The following IQUB variants were observed in gnomAD, a reference collection of about 807,000 sequenced individuals.
IQUB encodes the protein IQ motif and ubiquitin-like domain-containing protein.
In IQUB, 86 loss-of-function variants were observed where a neutral mutation model predicts 86.4. That is an observed-to-expected ratio of 1.00 (90% CI 0.84 to 1.19). The LOEUF (loss-of-function observed/expected upper bound fraction) is 1.19, where lower values mean the gene tolerates loss of function less well. IQUB is among the 50% of genes most tolerant of loss of function. The pLI is 0.00. For synonymous variants in IQUB, 289 were observed against 304.5 expected, an observed-to-expected ratio of 0.95 and a Z score of 0.53; for missense variants, 946 against 916.9, an observed-to-expected ratio of 1.03 and a Z score of -0.41.
intron 12 of IQUB, among the ~76,000 whole-genome samples, chr7:123,454,805 G>A (rs944121198): frequency 1.3e-5 from 2 of 152,064 alleles, no homozygotes; most frequent in African/African-American, 4.8e-5. Context: ...AGACCACAGG[G>A]GTGAAGTGCC....
intron 7 of IQUB, among the ~76,000 whole-genome samples, chr7:123,487,715 A>G (rs1023743642): frequency 3.9e-5 from 6 of 152,226 alleles, no homozygotes; most frequent in Non-Finnish European, 8.8e-5. Context: ...AAATGCCAAT[A>G]TGGCTACAAC....
At chr7:123,457,916 C>T (rs974849827) in intron 11 of IQUB, 1 of 181,904 alleles carries the variant, frequency 5.5e-6, no homozygotes, top group Non-Finnish European at 1.1e-5. Flanking sequence ...ATCTTAATTT[C>T]AGGGCCATTG....
chr7:123,479,848 A>G lies in IQUB; in HGVS notation c.1357T>C (p.Tyr453His), dbSNP rs750163980. 2 of 1,613,174 alleles carry G rather than the reference A, an allele frequency of 1.2e-6. No homozygotes were observed. The highest frequency in any genetic ancestry group is 8.5e-7 in the Non-Finnish European group (1 of 1,179,448). The part of the protein sequence containing the change: ...QIIASIGRHR[Y>H]IAYMANQEAA... ...TCCTGATTTGCCATATAAGCAATGT[A>G]TCTATGTCTCCCAATGGAAGCAATT... The change falls in exon 8 of 13, where the codon TAC becomes CAC. Residue 453 changes from tyrosine (Y) to histidine (H), a missense_variant. Coordinates refer to ENST00000324698, the MANE Select transcript of IQUB (RefSeq NM_178827.5).
Position 123,452,661 on chromosome 7 carries a change from C to A in IQUB, c.*82G>T. Reference sequence around the variant, plus strand: ...CAAAATCAATAAACAGATTAAATTCCATTTCCATACTCTGTGACCTCTGTA... The same window carrying A: ...CAAAATCAATAAACAGATTAAATTCAATTTCCATACTCTGTGACCTCTGTA... On this transcript the variant is annotated 3_prime_UTR_variant, in exon 13 of 13. Transcript: ENST00000324698. 1.2e-6 allele frequency: 1 copy of A among 834,284 alleles called. No homozygotes were observed. The highest frequency in any genetic ancestry group is 1.8e-6 in the Non-Finnish European group (1 of 569,408). 51.7% of individuals were successfully genotyped at this position (834,284 alleles called of 1,614,324 possible). A position where few individuals can be genotyped will look rare whatever the true frequency, so the allele number is the denominator to read the frequency against.
chr7:123,519,753 T>C (rs1796820948), intron 1 of IQUB, among the ~76,000 whole-genome samples: 1 of 152,160 alleles, frequency 6.6e-6, no homozygotes, highest in East Asian at 1.9e-4. Flanking sequence ...GTGACTATAG[T>C]TAACAATATT....
chr7:123,519,271 T>C (rs1796792991), intron 1 of IQUB, among the ~76,000 whole-genome samples: 1 of 152,074 alleles, frequency 6.6e-6, no homozygotes, highest in South Asian at 2.1e-4. Context: ...AAACTAAAAA[T>C]AGTTCTACCA....
intron 6 of IQUB, 35 bp downstream of exon 6, chr7:123,502,562 T>G: frequency 6.3e-7 from 1 of 1,586,454 alleles, no homozygotes; most frequent in Non-Finnish European, 8.6e-7. Flanking sequence ...ATATATCAAA[T>G]TTTTAGTATT....
chr7:123,472,989 C>T (rs766767245), intron 8 of IQUB, among the ~76,000 whole-genome samples: 1 of 152,112 alleles, frequency 6.6e-6, no homozygotes, highest in East Asian at 1.9e-4. Context: ...AACAGAAGAA[C>T]AGCAGGAAGA....
Position 123,512,106 on chromosome 7 carries a change from T to A in IQUB, c.235A>T (p.Met79Leu). 3 of 1,612,114 alleles carry A rather than the reference T, an allele frequency of 1.9e-6. No individual in the cohort carries two copies. The highest frequency in any genetic ancestry group is 2.5e-6 in the Non-Finnish European group (3 of 1,178,354). ...TGTCTTGGTGATATAACCTCTTCCATGAGTTGTTCATTGTCTGGTTCCAGG... is the reference window on the plus strand; with the variant it reads ...TGTCTTGGTGATATAACCTCTTCCAAGAGTTGTTCATTGTCTGGTTCCAGG... ...SSLEPDNEQL[M>L]EEVISPRQVS... is the part of the protein sequence containing the mutation. The change falls in exon 2 of 13, where the codon ATG (methionine) becomes TTG (leucine). Residue 79 changes from methionine (M) to leucine (L), a missense_variant. Coordinates refer to ENST00000324698, the MANE Select transcript of IQUB (RefSeq NM_178827.5).
intron 6 of IQUB, chr7:123,502,020 C>T (rs929673191): frequency 3.3e-5 from 5 of 152,196 alleles, no homozygotes; most frequent in Admixed American, 3.3e-4. Flanking sequence ...TTTTTCACTA[C>T]AAGTTTGTCT....
intron 7 of IQUB, among the ~76,000 whole-genome samples, chr7:123,482,732 T>C (rs1584584512): frequency 6.6e-6 from 1 of 152,052 alleles, no homozygotes. Flanking sequence ...AAAACTGTAA[T>C]GTTTGTAATA....
intron 7 of IQUB, among the ~76,000 whole-genome samples, chr7:123,489,268 A>G (rs192636876): frequency 3.3e-5 from 5 of 152,278 alleles, no homozygotes; most frequent in African/African-American, 9.6e-5. Context: ...CATAAATCCT[A>G]TTTTGATATA....
Position 123,452,635 on chromosome 7 carries a change from A to C in IQUB, c.*108T>G. The C allele has an allele frequency of 1.5e-6, 1 of 651,388 alleles. No individual in the cohort carries two copies. Among genetic ancestry groups the C allele is most frequent in the Non-Finnish European group, 2.3e-6 (1 of 429,696 alleles). 40.4% of individuals were successfully genotyped at this position (651,388 alleles called of 1,614,324 possible). A position where few individuals can be genotyped will look rare whatever the true frequency, so the allele number is the denominator to read the frequency against. ...CTCAAAATACTATGAAAAACAAAAAACAAAATCAATAAACAGATTAAATTC... is the reference window on the plus strand; with the variant it reads ...CTCAAAATACTATGAAAAACAAAAACCAAAATCAATAAACAGATTAAATTC... On this transcript the variant is annotated 3_prime_UTR_variant, in exon 13 of 13. Transcript: ENST00000324698.
rs558112232 is a variant in IQUB at position 123,452,239 on chromosome 7, G to A, written c.*504C>T. 6.6e-6 allele frequency among the ~76,000 whole-genome samples: 1 copy of A among 152,216 alleles called. No individual in the cohort carries two copies. Among genetic ancestry groups the A allele is most frequent in the African/African-American group, 2.4e-5 (1 of 41,522 alleles). ...TGGGATTATGAGAAGGATGGAAGGT[G>A]AAAGCAGACGATAAACTGCAAAGAT... On this transcript the variant is annotated 3_prime_UTR_variant, in exon 13 of 13. Coordinates refer to ENST00000324698, the MANE Select transcript of IQUB (RefSeq NM_178827.5).
intron 1 of IQUB, among the ~76,000 whole-genome samples, chr7:123,515,971 C>T (rs1268607861): frequency 1.3e-5 from 2 of 152,148 alleles, no homozygotes; most frequent in Admixed American, 6.5e-5. Context: ...GATGGAAACA[C>T]TCAAAATCTC....
chr7:123,515,230 A>G (rs958567388), intron 1 of IQUB, among the ~76,000 whole-genome samples: 1 of 152,156 alleles, frequency 6.6e-6, no homozygotes, highest in Non-Finnish European at 1.5e-5. Flanking sequence ...TCCTAGCAAC[A>G]TATTAGCCAA....
At chr7:123,490,627 T>G (rs189169624) in intron 7 of IQUB, among the ~76,000 whole-genome samples, 3 of 152,368 alleles carry the variant, frequency 2.0e-5, no homozygotes, top group Admixed American at 1.3e-4. Context: ...TTCTCCAATG[T>G]AATTTGTATT....
At chr7:123,525,283 T>C (rs1429446936) in intron 1 of IQUB, among the ~76,000 whole-genome samples, 1 of 152,070 alleles carries the variant, frequency 6.6e-6, no homozygotes, top group Non-Finnish European at 1.5e-5. Flanking sequence ...ATGGTACCAT[T>C]TCCTCCTTGT....
chr7:123,502,766 T>G lies in IQUB; in HGVS notation c.868-14A>C. On this transcript the variant is annotated splice_polypyrimidine_tract_variant and intron_variant, in intron 5 of 12. Transcript: ENST00000324698. ...CTGAAAAACTGTCTAAAAGAAAACA[T>G]TAAAAATTTAAATCAGTATCCCCTA... The G allele has an allele frequency of 6.4e-7, 1 of 1,564,916 alleles. No homozygotes were observed. Among genetic ancestry groups the G allele is most frequent in the Non-Finnish European group, 8.7e-7 (1 of 1,150,172 alleles).
Sources: allele counts gnomAD v4.1 joint callset (sites outside exome capture counted in the v4.1 genomes callset), GRCh38; gene constraint gnomAD v4.1.1; transcripts MANE v1.5; gene names NCBI Gene and HGNC (gene_info 2026-07-23, HGNC 2026-07-21).